MIGA1: variants seen among roughly 807,000 people sequenced by gnomAD.
MIGA1 encodes the protein mitoguardin 1, also known as family with sequence similarity 73, member A.
MIGA1 carries 58 observed loss-of-function variants against 82.0 expected under a neutral mutation model. The observed-to-expected ratio is 0.71, with a 90% CI of 0.57 to 0.88. MIGA1 has a LOEUF of 0.88. Among genes scored for constraint, MIGA1 ranks in the 40% least tolerant of loss-of-function variants. MIGA1 has a pLI of 0.00. For missense variants in MIGA1, 751 were observed against 749.1 expected (o/e 1.00, Z -0.03); for synonymous variants, 249 against 253.6 (o/e 0.98, Z 0.17).
intron 12 of MIGA1, among the ~76,000 whole-genome samples, chr1:77,863,206 C>T (rs919552334): frequency 7.9e-5 from 12 of 152,100 alleles, no homozygotes; most frequent in African/African-American, 1.9e-4. Flanking sequence ...TCAGTTTCTT[C>T]GACTTTTCTC....
intron 12 of MIGA1, among the ~76,000 whole-genome samples, chr1:77,862,469 T>C (rs1372111282): frequency 1.3e-5 from 2 of 150,986 alleles, no homozygotes; most frequent in Non-Finnish European, 3.0e-5. Context: ...GATATAGATA[T>C]CGGTCCGGCA....
chr1:77,836,892 C>T (rs888808156), intron 7 of MIGA1, among the ~76,000 whole-genome samples: 1 of 151,980 alleles, frequency 6.6e-6, no homozygotes, highest in African/African-American at 2.4e-5. Context: ...ATAGAGGAGC[C>T]ATTTGATTAG....
chr1:77,817,352 A>T (rs1683609643), intron 7 of MIGA1, among the ~76,000 whole-genome samples: 1 of 152,122 alleles, frequency 6.6e-6, no homozygotes, highest in Non-Finnish European at 1.5e-5. Flanking sequence ...TTCTGAGGCA[A>T]CTATTGTTAA....
At chr1:77,805,171 T>C (rs573478060) in intron 4 of MIGA1, among the ~76,000 whole-genome samples, 1 of 151,596 alleles carries the variant, frequency 6.6e-6, no homozygotes, top group East Asian at 2.0e-4. Context: ...ATTTTTTGTA[T>C]TTTTTAGTAG....
At chr1:77,796,059 G>A (rs1000691611) in intron 2 of MIGA1, among the ~76,000 whole-genome samples, 1 of 151,782 alleles carries the variant, frequency 6.6e-6, no homozygotes, top group African/African-American at 2.4e-5. Context: ...ATAATATCTA[G>A]TGTACACATA....
At chr1:77,818,877 C>G (rs1057405990) in intron 7 of MIGA1, among the ~76,000 whole-genome samples, 2 of 151,686 alleles carry the variant, frequency 1.3e-5, no homozygotes, top group African/African-American at 2.4e-5. Context: ...GTCGGGAGTT[C>G]GAGACCAGCC....
intron 2 of MIGA1, among the ~76,000 whole-genome samples, chr1:77,788,142 A>C (rs1180990592): frequency 6.6e-6 from 1 of 152,216 alleles, no homozygotes; most frequent in Non-Finnish European, 1.5e-5. Context: ...AGCTGGGATT[A>C]TAGGCATGTG....
Position 77,849,760 on chromosome 1 carries a change from G to A in MIGA1, c.996+6353G>A, listed in dbSNP as rs531283405. ...TCTATGAAAGTATGAAGGCATGGCC[G>A]TCCGTGGTGCTCACGCCTGTAATCC... On this transcript the variant is annotated intron_variant, in intron 8 of 15. Coordinates refer to ENST00000370791, the MANE Select transcript of MIGA1 (RefSeq NM_198549.4). Among the ~76,000 whole-genome samples, 81 of 152,280 alleles carry A rather than the reference G, an allele frequency of 5.3e-4. No individual in the cohort carries two copies. The South Asian group carries it at 0.015, about 29-fold the overall frequency.
At chr1:77,816,181 T>A (rs1054102015) in intron 7 of MIGA1, among the ~76,000 whole-genome samples, 2 of 152,144 alleles carry the variant, frequency 1.3e-5, no homozygotes, top group African/African-American at 4.8e-5. Context: ...TGACCTCAAG[T>A]GATCCTCCCA....
intron 11 of MIGA1, 62 bp from the exon 12 acceptor site, chr1:77,861,162 T>C: frequency 9.6e-7 from 1 of 1,045,682 alleles, no homozygotes; most frequent in Non-Finnish European, 1.5e-6. Flanking sequence ...ATTTGAAGAG[T>C]AACTTTCTTT....
intron 2 of MIGA1, among the ~76,000 whole-genome samples, chr1:77,790,205 A>G (rs1570920344): frequency 6.6e-6 from 1 of 152,340 alleles, no homozygotes; most frequent in South Asian, 2.1e-4. Flanking sequence ...TTATGTAACC[A>G]CAGCCTCTAT....
At chr1:77,872,580 T>C (rs1318688871) in intron 14 of MIGA1, among the ~76,000 whole-genome samples, 2 of 152,158 alleles carry the variant, frequency 1.3e-5, no homozygotes, top group East Asian at 3.8e-4. Context: ...CACCCTGGGC[T>C]ACAGAGTGAG....
chr1:77,808,130 C>CTT (rs754585009), intron 5 of MIGA1, among the ~76,000 whole-genome samples: 11 of 137,024 alleles, frequency 8.0e-5, no homozygotes, highest in East Asian at 2.1e-4. Flanking sequence ...ACCTTTCTCT[C>CTT]TTTTTTTTTT....
intron 5 of MIGA1, among the ~76,000 whole-genome samples, chr1:77,809,202 G>T (rs904738777): frequency 7.9e-5 from 12 of 152,010 alleles, no homozygotes; most frequent in African/African-American, 2.9e-4. Context: ...GCCACAGGGG[G>T]GTCTTTGTGT....
At chr1:77,809,162 A>T (rs1445401940) in intron 5 of MIGA1, among the ~76,000 whole-genome samples, 1 of 152,150 alleles carries the variant, frequency 6.6e-6, no homozygotes, top group Non-Finnish European at 1.5e-5. Flanking sequence ...AAAAATTCAA[A>T]TTGAAGAAAT....
chr1:77,861,102 A>G (rs1484009137), intron 11 of MIGA1, 122 bp from the exon 12 acceptor site: 4 of 628,164 alleles, frequency 6.4e-6, no homozygotes, highest in African/African-American at 1.9e-5. Context: ...GCATACCTTT[A>G]AAATGTATTT....
intron 8 of MIGA1, chr1:77,848,465 A>T: frequency 1.0e-6 from 1 of 978,594 alleles, no homozygotes; most frequent in Non-Finnish European, 1.6e-6. Flanking sequence ...TAAGTGTTTG[A>T]TCTTCAGAAA....
At chr1:77,858,203 TG>T (rs1685334615) in intron 8 of MIGA1, among the ~76,000 whole-genome samples, 1 of 151,964 alleles carries the variant, frequency 6.6e-6, no homozygotes, top group African/African-American at 2.4e-5. Flanking sequence ...AAAAATTAGC[TG>T]GGTGTGGTGG....
chr1:77,793,336 C>CA (rs1306164492), intron 2 of MIGA1, among the ~76,000 whole-genome samples: 2 of 151,030 alleles, frequency 1.3e-5, no homozygotes, highest in African/African-American at 2.4e-5. Flanking sequence ...CTCCTGAGCT[C>CA]AAGCAGTCTG....
Sources: gnomAD v4.1 joint callset for allele counts (sites outside exome capture counted in the v4.1 genomes callset) on GRCh38, gnomAD v4.1.1 for gene constraint, MANE v1.5 for transcripts, NCBI Gene and HGNC (gene_info 2026-07-23, HGNC 2026-07-21) for gene names.